The following GBP6 variants were observed in gnomAD, a reference collection of about 807,000 sequenced individuals.
GBP6 encodes guanylate-binding protein 6.
GBP6 carries 54 observed loss-of-function variants against 61.5 expected under a neutral mutation model. That is an observed-to-expected ratio of 0.88 (90% CI 0.71 to 1.10). The LOEUF (loss-of-function observed/expected upper bound fraction) is 1.10, where lower values mean the gene tolerates loss of function less well. GBP6 is among the 50% of genes least tolerant of loss of function. GBP6 has a pLI of 0.00. For missense variants in GBP6, 748 were observed against 752.8 expected (o/e 0.99, Z 0.07); for synonymous variants, 255 against 273.7 (o/e 0.93, Z 0.67).
chr1:89,372,985 C>T (rs1652688987), intron 3 of GBP6, among the ~76,000 whole-genome samples: 1 of 152,066 alleles, frequency 6.6e-6, no homozygotes, highest in Non-Finnish European at 1.5e-5. Context: ...ACAAACAACC[C>T]CATCAAAAAG....
In GBP6 at chr1:89,381,747, C is replaced by G. The variant is rs771958210; in HGVS notation, c.925C>G (p.Pro309Ala). The G allele has an allele frequency of 5.1e-5, 83 of 1,614,010 alleles. 1 individual carries two copies. In the South Asian group the frequency reaches 8.9e-4, roughly 17 times the overall value. ...AGAGGCCATCAACAGTGGAGCAGTG[C>G]CTTGTCTGGAGAATGCAGTGATAAC... is the stretch of plus-strand genomic sequence containing the variant. Reference protein sequence around the residue: ...YVEAINSGAVPCLENAVITLA... With the variant: ...YVEAINSGAVACLENAVITLA... Residue 309 changes from proline to alanine, a missense_variant, in exon 7 of 11, where the codon CCT (proline) becomes GCT (alanine). Coordinates refer to ENST00000370456, the MANE Select transcript of GBP6 (RefSeq NM_198460.3).
At position 89,381,811 on chromosome 1, in the gene GBP6, C is replaced by T; in HGVS notation, c.989C>T (p.Ala330Val). Residue 330 changes from alanine to valine, a missense_variant, in exon 7 of 11, where the codon GCA (alanine) becomes GTA (valine). Transcript: ENST00000370456. ...GAGAACTCAGCGGCCGTGCAGAGGG[C>T]AGCTGACTACTACAGCCAGCAGATG... ...QRENSAAVQR[A>V]ADYYSQQMAQ... is the part of the protein sequence containing the mutation. 1.9e-6 allele frequency: 3 copies of T among 1,614,068 alleles called. No homozygotes were observed. Among genetic ancestry groups the T allele is most frequent in the Non-Finnish European group, 8.5e-7 (1 of 1,179,970 alleles).
intron 3 of GBP6, among the ~76,000 whole-genome samples, chr1:89,375,862 C>T (rs1652793036): frequency 6.6e-6 from 1 of 152,074 alleles, no homozygotes; most frequent in Admixed American, 6.6e-5. Flanking sequence ...CTTGTATATT[C>T]TTCTGGTATT....
intron 6 of GBP6, 78 bp from the exon 7 acceptor site, chr1:89,381,616 G>A (rs933500885): frequency 1.4e-6 from 2 of 1,449,578 alleles, no homozygotes; most frequent in Non-Finnish European, 1.9e-6. Context: ...AAGTGCATGT[G>A]TGTGCTCAGA....
Position 89,385,242 on chromosome 1 carries a change from T to C in GBP6, c.1675T>C (p.Trp559Arg). The change falls in exon 11 of 11, where the codon TGG becomes CGG. Residue 559 changes from tryptophan to arginine, a missense_variant. Physicochemically the swap from Trp to Arg is moderately radical, Grantham distance 101 (BLOSUM62 -3). Coordinates refer to ENST00000370456, the MANE Select transcript of GBP6 (RefSeq NM_198460.3). Reference sequence around the variant, plus strand: ...ACATTGTCTTTAGGTCCAAAATGATTGGCTTCATGAAGGATTTAAGAAGAA... The same window carrying C: ...ACATTGTCTTTAGGTCCAAAATGATCGGCTTCATGAAGGATTTAAGAAGAA... ...LEHTQKVQNDWLHEGFKKKYE... is the reference protein window; with the variant it reads ...LEHTQKVQNDRLHEGFKKKYE... 1 of 1,613,078 alleles carries C rather than the reference T, an allele frequency of 6.2e-7. No homozygotes were observed. Among genetic ancestry groups the C allele is most frequent in the South Asian group, 1.1e-5 (1 of 90,986 alleles).
At chr1:89,382,123 T>C (rs1652998336) in intron 7 of GBP6, 149 bp downstream of exon 7, 1 of 789,768 alleles carries the variant, frequency 1.3e-6, no homozygotes. Flanking sequence ...AGACTACATA[T>C]AAGCACTTAA....
In GBP6 at chr1:89,386,482, C is replaced by T. The variant is rs1653148727; in HGVS notation, c.*1013C>T. The T allele has an allele frequency of 6.6e-6, 1 of 152,114 alleles. No homozygotes were observed. Among genetic ancestry groups the T allele is most frequent in the Admixed American group, 6.6e-5 (1 of 15,258 alleles). The allele number at this position is 152,114 out of a possible 1,614,324, so 9.4% of individuals were successfully genotyped here. ...TATCAGATGATGAAATTCCTTGTTGCTTCTAGGAATTACATCAGCCAGCCC... is the reference window on the plus strand; with the variant it reads ...TATCAGATGATGAAATTCCTTGTTGTTTCTAGGAATTACATCAGCCAGCCC... On this transcript the variant is annotated 3_prime_UTR_variant, in exon 11 of 11. Transcript: ENST00000370456.
At chr1:89,384,326 A>C in intron 10 of GBP6, 40 bp downstream of exon 10, 1 of 1,511,610 alleles carries the variant, frequency 6.6e-7, no homozygotes, top group Non-Finnish European at 8.9e-7. Context: ...GACGGTCCTC[A>C]CCCAGGTACC....
chr1:89,364,422 C>T (rs1340824811), intron 1 of GBP6, among the ~76,000 whole-genome samples: 2 of 152,202 alleles, frequency 1.3e-5, no homozygotes, highest in South Asian at 2.1e-4. Flanking sequence ...TCAGGTCCTG[C>T]GGCAAGCCCC....
In GBP6 at chr1:89,382,736, A is replaced by C; in HGVS notation, c.1225A>C (p.Lys409Gln). Residue 409 changes from lysine to glutamine, a missense_variant, in exon 8 of 11, where the codon AAA (lysine) becomes CAA (glutamine). Transcript: ENST00000370456. ...EESSVQYCQA[K>Q]LNELSKGLME... ...GTCATCTGTTCAATACTGCCAGGCT[A>C]AACTCAATGAGCTCTCAAAGGGACT... 1 of 1,614,100 alleles carries C rather than the reference A, an allele frequency of 6.2e-7. No individual in the cohort carries two copies.
At chr1:89,383,627 TA>T in intron 8 of GBP6, 24 bp from the exon 9 acceptor site, 1 of 1,481,094 alleles carries the variant, frequency 6.8e-7, no homozygotes, top group Non-Finnish European at 9.3e-7. Flanking sequence ...CAAAGAAATC[TA>T]AGTGCTTTTT....
At chr1:89,375,109 C>A (rs763895443) in intron 3 of GBP6, among the ~76,000 whole-genome samples, 1 of 152,130 alleles carries the variant, frequency 6.6e-6, no homozygotes, top group East Asian at 1.9e-4. Context: ...TTTTGTTCTT[C>A]TTTACAGCTG....
Position 89,381,933 on chromosome 1 carries a change from T to A in GBP6, c.1111T>A (p.Ser371Thr). 6.2e-7 allele frequency: 1 copy of A among 1,612,868 alleles called. No homozygotes were observed. Among genetic ancestry groups the A allele is most frequent in the South Asian group, 1.1e-5 (1 of 91,022 alleles). The stretch of plus-strand genomic sequence containing the variant: ...AGCCATTGCAATCTTCATGGAGCAC[T>A]CCTTCAAGGATGAAAATCAGGAATT... ...REAIAIFMEH[S>T]FKDENQEFQK... The change falls in exon 7 of 11, where the codon TCC becomes ACC. Residue 371 changes from serine to threonine, a missense_variant. Transcript: ENST00000370456.
intron 3 of GBP6, among the ~76,000 whole-genome samples, chr1:89,373,953 G>A (rs1197088951): frequency 6.6e-6 from 1 of 152,056 alleles, no homozygotes; most frequent in South Asian, 2.1e-4. Context: ...CCTGGTGGGA[G>A]GTAATTGAAT....
intron 3 of GBP6, among the ~76,000 whole-genome samples, chr1:89,371,021 C>G (rs1570462036): frequency 2.0e-5 from 3 of 152,218 alleles, no homozygotes; most frequent in African/African-American, 7.2e-5. Context: ...CTGGCAACCA[C>G]TATTATACTC....
intron 3 of GBP6, among the ~76,000 whole-genome samples, chr1:89,371,738 C>A (rs1652649842): frequency 6.6e-6 from 1 of 152,204 alleles, no homozygotes. Context: ...GAAGCATTCC[C>A]TTTGAAAACT....
chr1:89,366,607 T>C (rs1395449751), intron 1 of GBP6, among the ~76,000 whole-genome samples: 1 of 152,186 alleles, frequency 6.6e-6, no homozygotes, highest in East Asian at 1.9e-4. Context: ...GGTAGGTTAT[T>C]TTGACAGATA....
Position 89,369,682 on chromosome 1 carries a change from G to A in GBP6, c.318+9G>A. On this transcript the variant is annotated intron_variant, in intron 3 of 10. Transcript: ENST00000370456. ...TGGGCGATGTGGAAAAGGTAAGACAGAGAGTCATAGACAGGTTCCTTTTAT... is the reference window on the plus strand; with the variant it reads ...TGGGCGATGTGGAAAAGGTAAGACAAAGAGTCATAGACAGGTTCCTTTTAT... The A allele has an allele frequency of 6.2e-7, 1 of 1,612,850 alleles. No individual in the cohort carries two copies.
intron 5 of GBP6, among the ~76,000 whole-genome samples, 168 bp from the exon 6 acceptor site, chr1:89,380,218 A>G (rs1044611739): frequency 1.3e-5 from 2 of 152,232 alleles, no homozygotes; most frequent in African/African-American, 4.8e-5. Flanking sequence ...CTAACATTAT[A>G]CAAATTCTTT....
Sources: gnomAD v4.1 joint callset for allele counts (sites outside exome capture counted in the v4.1 genomes callset) on GRCh38, gnomAD v4.1.1 for gene constraint, MANE v1.5 for transcripts, NCBI Gene and HGNC (gene_info 2026-07-23, HGNC 2026-07-21) for gene names.